CALCOCO1: variants seen among roughly 807,000 people sequenced by gnomAD.
CALCOCO1 encodes calcium binding and coiled-coil domain 1.
Under a neutral mutation model 86.3 loss-of-function variants are expected in CALCOCO1, and 44 were observed. The ratio of observed to expected loss-of-function variants is 0.51; its 90% CI spans 0.40 to 0.66. The LOEUF (loss-of-function observed/expected upper bound fraction) is 0.66. Among genes scored for constraint, CALCOCO1 ranks in the 30% least tolerant of loss-of-function variants. The pLI is 0.00. For missense variants in CALCOCO1, 708 were observed against 851.1 expected (o/e 0.83, Z 2.09); for synonymous variants, 297 against 327.6 (o/e 0.91, Z 1.01).
Position 53,711,227 on chromosome 12 carries a change from A to G in CALCOCO1, c.*717T>C, listed in dbSNP as rs1945541802. On this transcript the variant is annotated 3_prime_UTR_variant, in exon 15 of 15. Transcript: ENST00000550804. ...AGGGAGGGGGGCCTTGGAAATGGGG[A>G]TACCTGGGACCACTTGTTCCCCCCA... The G allele has an allele frequency of 2.5e-6, 1 of 398,822 alleles. No homozygotes were observed. The highest frequency in any genetic ancestry group is 1.3e-4 in the South Asian group (1 of 7,852). The allele number at this position is 398,822 out of a possible 1,614,324, so 24.7% of individuals were successfully genotyped here.
chr12:53,716,654 A>G (rs911931123), intron 7 of CALCOCO1, among the ~76,000 whole-genome samples: 18 of 152,254 alleles, frequency 1.2e-4, no homozygotes, highest in African/African-American at 4.3e-4. Flanking sequence ...CTGTGTAGGC[A>G]TTCCATGTAC....
In CALCOCO1 at chr12:53,724,738, C is replaced by A. The variant is rs752802463; in HGVS notation, c.166G>T (p.Ala56Ser). 1.2e-6 allele frequency: 2 copies of A among 1,612,176 alleles called. No homozygotes were observed. Among genetic ancestry groups the A allele is most frequent in the Admixed American group, 1.7e-5 (1 of 59,826 alleles). The change falls in exon 3 of 15, where the codon GCC becomes TCC. Residue 56 changes from alanine (A) to serine (S), a missense_variant. By Grantham distance (99) the Ala-to-Ser change is moderately conservative. Coordinates refer to ENST00000550804, the MANE Select transcript of CALCOCO1 (RefSeq NM_020898.3). Reference sequence around the variant, plus strand: ...AATGTGTGGTAATCCCGAACACAGGCAGCCTCCACCTGTGAAAGCCCAAGG... The same window carrying A: ...AATGTGTGGTAATCCCGAACACAGGAAGCCTCCACCTGTGAAAGCCCAAGG... The part of the protein sequence containing the change: ...DWIGIFKVEA[A>S]CVRDYHTFVW...
intron 1 of CALCOCO1, among the ~76,000 whole-genome samples, chr12:53,726,798 G>A (rs1357815906): frequency 6.6e-6 from 1 of 152,062 alleles, no homozygotes; most frequent in East Asian, 1.9e-4. Flanking sequence ...TCTAAGGGTG[G>A]GGGTAAATTG....
At position 53,709,341 on chromosome 12, in the gene CALCOCO1, C is replaced by T. The variant is rs78005218; in HGVS notation, c.*2603G>A. The T allele has an allele frequency of 6.6e-6, 1 of 152,314 alleles. No individual in the cohort carries two copies. Among genetic ancestry groups the T allele is most frequent in the African/African-American group, 2.4e-5 (1 of 41,570 alleles). The allele number at this position is 152,314 out of a possible 1,614,324, so 9.4% of individuals were successfully genotyped here. The stretch of plus-strand genomic sequence containing the variant: ...CGTCAATTACCCTTCCTTGAGCCCC[C>T]TCTGTGTCGGGGACCATGCTTTGGA... On this transcript the variant is annotated 3_prime_UTR_variant, in exon 15 of 15. Coordinates refer to ENST00000550804, the MANE Select transcript of CALCOCO1 (RefSeq NM_020898.3).
chr12:53,715,706 C>T lies in CALCOCO1; in HGVS notation c.1260+87G>A. The T allele has an allele frequency of 2.0e-6, 3 of 1,536,890 alleles. No individual in the cohort carries two copies. The South Asian group carries it at 3.6e-5, about 18-fold the overall frequency. On this transcript the variant is annotated intron_variant, in intron 9 of 14. Transcript: ENST00000550804. ...TAAGGTTCTCAACCCCTCTTCTCTC[C>T]TCCCAGAGGGTCTGACCACATGTAG...
rs535257008 is a variant in CALCOCO1, at chr12:53,714,825, A to G, written c.1387-132T>C. 1.4e-5 allele frequency: 9 copies of G among 643,370 alleles called. No homozygotes were observed. The East Asian group carries it at 2.2e-4, about 16-fold the overall frequency. 39.9% of individuals were successfully genotyped at this position (643,370 alleles called of 1,614,324 possible). A position where few individuals can be genotyped will look rare whatever the true frequency, so the allele number is the denominator to read the frequency against. On this transcript the variant is annotated intron_variant, in intron 10 of 14. Coordinates refer to ENST00000550804, the MANE Select transcript of CALCOCO1 (RefSeq NM_020898.3). Reference sequence around the variant, plus strand: ...GCTTCTTCCCTGCTCTGACACACACACACAGGAATTCCCAACACTTCCTCC... The same window carrying G: ...GCTTCTTCCCTGCTCTGACACACACGCACAGGAATTCCCAACACTTCCTCC...
In CALCOCO1 at chr12:53,715,871, C is replaced by T; in HGVS notation, c.1182G>A (p.Leu394=). The change falls in exon 9 of 15, where the codon CTG becomes CTA. Residue 394 remains leucine, a synonymous_variant. Transcript: ENST00000550804. ...RLEVAEVNGR[L]AELGLHLKEE... is the part of the protein sequence containing the mutation. ...CCTTCAAGTGCAAACCGAGCTCAGC[C>T]AGCCTGCCGTTAACTTCAGCCACTT... 6.2e-7 allele frequency: 1 copy of T among 1,614,198 alleles called. No individual in the cohort carries two copies. The highest frequency in any genetic ancestry group is 8.5e-7 in the Non-Finnish European group (1 of 1,180,050).
At chr12:53,712,751 C>T in intron 14 of CALCOCO1, 1 of 1,264,212 alleles carries the variant, frequency 7.9e-7, no homozygotes, top group Non-Finnish European at 1.0e-6. Context: ...CTCCCTTCCT[C>T]CCCGGAGGAC....
chr12:53,715,595 C>T (rs1945703296), intron 9 of CALCOCO1, 198 bp downstream of exon 9: 1 of 779,390 alleles, frequency 1.3e-6, no homozygotes, highest in South Asian at 1.9e-5. Context: ...CTCTGGTGAT[C>T]AGGATTGGGA....
Position 53,715,570 on chromosome 12 carries a change from G to T in CALCOCO1, c.1260+223C>A, listed in dbSNP as rs1316053090. ...GGGGTCTAGGACAGAAAATGTTTCT[G>T]TTCCAAGGAAGGTACTCTGGTGATC... On this transcript the variant is annotated intron_variant, in intron 9 of 14. Transcript: ENST00000550804. 4 of 753,774 alleles carry T rather than the reference G, an allele frequency of 5.3e-6. No individual in the cohort carries two copies. The Admixed American group carries it at 8.7e-5, about 16-fold the overall frequency. 46.7% of individuals were successfully genotyped at this position (753,774 alleles called of 1,614,324 possible).
chr12:53,713,031 T>C, intron 14 of CALCOCO1, 69 bp downstream of exon 14: 1 of 1,428,684 alleles, frequency 7.0e-7, no homozygotes, highest in East Asian at 2.3e-5. Flanking sequence ...GCCTGGTGAC[T>C]GTCCACACAG....
intron 6 of CALCOCO1, 125 bp from the exon 7 acceptor site, chr12:53,719,954 A>C (rs1474986716): frequency 1.7e-6 from 1 of 576,084 alleles, no homozygotes; most frequent in Non-Finnish European, 3.1e-6. Flanking sequence ...TCTGGGATGC[A>C]TAAATCCCCA....
In CALCOCO1 at chr12:53,716,433, C is replaced by T. The variant is rs1318112487; in HGVS notation, c.850-18G>A. Reference sequence around the variant, plus strand: ...AGCTCAGCCTGAGGGAAGTGGAAAGCAGGTAAGGAAAGGGGTATGTGTGTT... The same window carrying T: ...AGCTCAGCCTGAGGGAAGTGGAAAGTAGGTAAGGAAAGGGGTATGTGTGTT... On this transcript the variant is annotated intron_variant, in intron 7 of 14. Transcript: ENST00000550804. The T allele has an allele frequency of 5.0e-6, 8 of 1,614,054 alleles. No individual in the cohort carries two copies. Among genetic ancestry groups the T allele is most frequent in the Non-Finnish European group, 6.8e-6 (8 of 1,179,960 alleles).
Position 53,724,679 on chromosome 12 carries a change from A to G in CALCOCO1, c.225T>C (p.Asp75=). The change falls in exon 3 of 15, where the codon GAT becomes GAC. Residue 75 remains aspartate (D), a synonymous_variant. Coordinates refer to ENST00000550804, the MANE Select transcript of CALCOCO1 (RefSeq NM_020898.3). ...GGACACTGGTGTGAATGGGGGAACCATCAGTTGTACTTTCAGGCACGGAAG... is the reference window on the plus strand; with the variant it reads ...GGACACTGGTGTGAATGGGGGAACCGTCAGTTGTACTTTCAGGCACGGAAG... ...VWSSVPESTT[D]GSPIHTSVQF... is the part of the protein sequence containing the mutation. 1 of 1,614,046 alleles carries G rather than the reference A, an allele frequency of 6.2e-7. No homozygotes were observed. The highest frequency in any genetic ancestry group is 8.5e-7 in the Non-Finnish European group (1 of 1,179,964).
At chr12:53,712,472 C>G in intron 14 of CALCOCO1, 3 of 251,546 alleles carry the variant, frequency 1.2e-5, no homozygotes, top group Non-Finnish European at 2.3e-5. Context: ...ACAGCATCAC[C>G]CCCTCCCTGC....
Position 53,711,830 on chromosome 12 carries a change from C to G in CALCOCO1, c.*114G>C, listed in dbSNP as rs970342026. The G allele has an allele frequency of 1.1e-5, 10 of 905,578 alleles. No individual in the cohort carries two copies. The highest frequency in any genetic ancestry group is 1.8e-5 in the African/African-American group (1 of 56,420). 56.1% of individuals were successfully genotyped at this position (905,578 alleles called of 1,614,324 possible). ...GCACACAGAAGCAGTTCTTAGGGAACAGAATATCATGGAGCCCAGTGTGAT... is the reference window on the plus strand; with the variant it reads ...GCACACAGAAGCAGTTCTTAGGGAAGAGAATATCATGGAGCCCAGTGTGAT... On this transcript the variant is annotated 3_prime_UTR_variant, in exon 15 of 15. Transcript: ENST00000550804.
At chr12:53,723,839 C>G (rs940923397) in intron 3 of CALCOCO1, 56 bp from the exon 4 acceptor site, 2 of 1,512,604 alleles carry the variant, frequency 1.3e-6, no homozygotes. Flanking sequence ...TTGGCCCCAG[C>G]CCCTTGCTCG....
chr12:53,721,711 G>T, intron 5 of CALCOCO1, 96 bp from the exon 6 acceptor site: 1 of 1,428,462 alleles, frequency 7.0e-7, no homozygotes, highest in Non-Finnish European at 9.7e-7. Flanking sequence ...GGGTCTGACT[G>T]CTTCCACCTG....
Position 53,715,804 on chromosome 12 carries a change from G to T in CALCOCO1, c.1249C>A (p.Gln417Lys). The T allele has an allele frequency of 6.2e-7, 1 of 1,613,190 alleles. No homozygotes were observed. ...QWSKERAGLLQSVEAEKDKIL... is the reference protein window; with the variant it reads ...QWSKERAGLLKSVEAEKDKIL... The stretch of plus-strand genomic sequence containing the variant: ...CCCCATCCCTCTACCTCCACACTCT[G>T]CAGCAGCCCTGCCCGCTCCTTGCTC... Residue 417 changes from glutamine (Q) to lysine (K), a missense_variant, in exon 9 of 15, where the codon CAG becomes AAG. Transcript: ENST00000550804.
Sources: allele counts gnomAD v4.1 joint callset (sites outside exome capture counted in the v4.1 genomes callset), GRCh38; gene constraint gnomAD v4.1.1; transcripts MANE v1.5; gene names NCBI Gene and HGNC (gene_info 2026-07-23, HGNC 2026-07-21).